ADAM22: variants seen among roughly 807,000 people sequenced by gnomAD.
ADAM22 encodes the protein ADAM metallopeptidase domain 22, also known as disintegrin and metalloproteinase domain-containing protein 22.
In ADAM22, 65 loss-of-function variants were observed where a neutral mutation model predicts 144.6. The ratio of observed to expected loss-of-function variants is 0.45; its 90% confidence interval spans 0.37 to 0.55. The LOEUF is 0.55. Among genes scored for constraint, ADAM22 ranks in the 20% least tolerant of loss-of-function variants. ADAM22 has a pLI of 0.00. For missense variants in ADAM22, 974 were observed against 1,184.9 expected, an observed-to-expected ratio of 0.82 and a Z score of 2.61; for synonymous variants, 391 against 412.6, an observed-to-expected ratio of 0.95 and a Z score of 0.63.
intron 14 of ADAM22, among the ~76,000 whole-genome samples, chr7:88,138,412 T>G (rs1313170285): frequency 6.6e-6 from 1 of 152,208 alleles, no homozygotes; most frequent in Admixed American, 6.5e-5. Flanking sequence ...CTGTGTACAT[T>G]GGAATTCTTC....
intron 3 of ADAM22, among the ~76,000 whole-genome samples, chr7:88,023,357 G>A (rs1798247539): frequency 6.6e-6 from 1 of 152,162 alleles, no homozygotes; most frequent in Admixed American, 6.5e-5. Flanking sequence ...CCATATCAGG[G>A]TAAATGGGAT....
intron 15 of ADAM22, 149 bp downstream of exon 15, chr7:88,143,274 CAAAG>C: frequency 2.1e-6 from 1 of 473,736 alleles, no homozygotes; most frequent in Non-Finnish European, 3.7e-6. Context: ...TCTGCATATT[CAAAG>C]TCAGCTTTAA....
At chr7:88,133,562 C>G (rs10261337) in intron 12 of ADAM22, among the ~76,000 whole-genome samples, 31 of 151,852 alleles carry the variant, frequency 2.0e-4, no homozygotes, top group African/African-American at 7.5e-4. Context: ...GAATCTTTAC[C>G]TTTACCTTCA....
At chr7:88,162,309 A>G (rs529531871) in intron 22 of ADAM22, among the ~76,000 whole-genome samples, 1 of 152,162 alleles carries the variant, frequency 6.6e-6, no homozygotes, top group African/African-American at 2.4e-5. Context: ...CAAAGAAGGG[A>G]GCAACAGACA....
chr7:88,027,722 C>A (rs1331267643), intron 3 of ADAM22, among the ~76,000 whole-genome samples: 1 of 150,940 alleles, frequency 6.6e-6, no homozygotes, highest in East Asian at 1.9e-4. Flanking sequence ...TATTTCTTTT[C>A]TTGTACTAAC....
intron 18 of ADAM22, 36 bp downstream of exon 18, chr7:88,149,093 A>G (rs1264447772): frequency 2.0e-6 from 3 of 1,519,920 alleles, no homozygotes; most frequent in Non-Finnish European, 2.7e-6. Flanking sequence ...AACTTATGGG[A>G]AAAAGTGGGG....
intron 30 of ADAM22, among the ~76,000 whole-genome samples, chr7:88,189,772 C>T (rs1849193381): frequency 6.6e-6 from 1 of 151,882 alleles, no homozygotes; most frequent in Non-Finnish European, 1.5e-5. Context: ...GGTGAAACCC[C>T]ATCTCTACTA....
At chr7:88,043,121 A>C (rs1454161767) in intron 3 of ADAM22, among the ~76,000 whole-genome samples, 1 of 151,896 alleles carries the variant, frequency 6.6e-6, no homozygotes, top group African/African-American at 2.4e-5. Context: ...TTCTTCTTTG[A>C]AACATAGATC....
intron 3 of ADAM22, among the ~76,000 whole-genome samples, chr7:88,016,917 A>G (rs1253833441): frequency 1.3e-5 from 2 of 152,138 alleles, no homozygotes; most frequent in African/African-American, 4.8e-5. Flanking sequence ...CAGGAGTTCA[A>G]CACCAGCCTG....
chr7:88,107,694 T>C (rs1824807422), intron 4 of ADAM22, among the ~76,000 whole-genome samples: 1 of 152,022 alleles, frequency 6.6e-6, no homozygotes, highest in African/African-American at 2.4e-5. Flanking sequence ...CAAATGATCC[T>C]CCTGCCTTAA....
intron 4 of ADAM22, among the ~76,000 whole-genome samples, chr7:88,084,674 A>G (rs1817924073): frequency 6.6e-6 from 1 of 152,212 alleles, no homozygotes; most frequent in Non-Finnish European, 1.5e-5. Context: ...TCATTAATAC[A>G]TTATAAATCA....
chr7:88,130,059 A>G (rs1386369168), intron 9 of ADAM22, among the ~76,000 whole-genome samples: 2 of 152,136 alleles, frequency 1.3e-5, no homozygotes, highest in Non-Finnish European at 2.9e-5. Context: ...ATTCATAGAC[A>G]ACTTTCATAT....
Position 88,193,252 on chromosome 7 carries a change from C to T in ADAM22, c.2874+13C>T, listed in dbSNP as rs201710565. 2.1e-4 allele frequency: 343 copies of T among 1,612,726 alleles called. No individual in the cohort carries two copies. Among genetic ancestry groups the T allele is most frequent in the Non-Finnish European group, 2.7e-4 (320 of 1,179,390 alleles). On this transcript the variant is annotated intron_variant, in intron 31 of 31. Transcript: ENST00000413139. ...ACAAAGTGCCAGGGTATGTGGAAAC[C>T]TCTTCCATGTGCGTACATGCTCAGT...
At chr7:88,117,079 G>A (rs1478325118) in intron 7 of ADAM22, among the ~76,000 whole-genome samples, 1 of 152,286 alleles carries the variant, frequency 6.6e-6, no homozygotes, top group East Asian at 1.9e-4. Flanking sequence ...GCAAGAATTG[G>A]TCTGTGAGAC....
chr7:88,050,234 A>AC (rs1458101841), intron 3 of ADAM22, among the ~76,000 whole-genome samples: 3 of 150,444 alleles, frequency 2.0e-5, no homozygotes, highest in African/African-American at 4.9e-5. Context: ...AAAAAAAAAA[A>AC]AAAAAAAAAA....
chr7:88,059,524 T>C (rs1352052766), intron 3 of ADAM22, among the ~76,000 whole-genome samples: 3 of 152,184 alleles, frequency 2.0e-5, no homozygotes, highest in Non-Finnish European at 4.4e-5. Context: ...CATTTTATGG[T>C]TTCTCAGTTC....
intron 2 of ADAM22, among the ~76,000 whole-genome samples, chr7:87,965,022 C>T (rs1848735565): frequency 6.6e-6 from 1 of 152,142 alleles, no homozygotes; most frequent in Non-Finnish European, 1.5e-5. Flanking sequence ...CACCACAATC[C>T]CATCTTCTTT....
intron 3 of ADAM22, among the ~76,000 whole-genome samples, chr7:87,981,161 A>G: frequency 6.6e-6 from 1 of 152,160 alleles, no homozygotes; most frequent in East Asian, 1.9e-4. Context: ...TTTACAACAG[A>G]GGACCTGACA....
chr7:88,030,078 CCTAT>C, intron 3 of ADAM22, among the ~76,000 whole-genome samples: 1 of 152,246 alleles, frequency 6.6e-6, no homozygotes, highest in South Asian at 2.1e-4. Flanking sequence ...ATCTCTACCT[CCTAT>C]CTAATGCCAA....
Sources: gnomAD v4.1 joint callset for allele counts (sites outside exome capture counted in the v4.1 genomes callset) on GRCh38, gnomAD v4.1.1 for gene constraint, MANE v1.5 for transcripts, NCBI Gene and HGNC (gene_info 2026-07-23, HGNC 2026-07-21) for gene names.